The following ADGRA3 variants were observed in gnomAD, a reference collection of about 807,000 sequenced individuals.
ADGRA3 encodes G-protein coupled receptor 125.
In ADGRA3, 56 loss-of-function variants were observed where a neutral mutation model predicts 119.8. That is an observed-to-expected ratio of 0.47 (90% CI 0.38 to 0.58). ADGRA3 has a LOEUF of 0.58. ADGRA3 is among the 20% of genes least tolerant of loss of function. The pLI, the probability that ADGRA3 is intolerant of heterozygous loss-of-function variation, is 0.00. For synonymous variants in ADGRA3, 607 were observed against 623.8 expected, an observed-to-expected ratio of 0.97 and a Z score of 0.40; for missense variants, 1,516 against 1,649.0, an observed-to-expected ratio of 0.92 and a Z score of 1.40.
At chr4:22,453,200 C>CAAAAA (rs530504605) in intron 4 of ADGRA3, among the ~76,000 whole-genome samples, 5 of 21,378 alleles carry the variant, frequency 2.3e-4, no homozygotes, top group Admixed American at 5.8e-4. Context: ...GACTCCATCT[C>CAAAAA]AAAAAAAAAA....
At chr4:22,501,647 C>A (rs1028590511) in intron 1 of ADGRA3, among the ~76,000 whole-genome samples, 1 of 152,110 alleles carries the variant, frequency 6.6e-6, no homozygotes, top group African/African-American at 2.4e-5. Context: ...CACCTACACT[C>A]CCCTCTGGAT....
At chr4:22,417,382 A>G (rs756060913) in intron 12 of ADGRA3, among the ~76,000 whole-genome samples, 2 of 152,200 alleles carry the variant, frequency 1.3e-5, no homozygotes, top group Non-Finnish European at 2.9e-5. Flanking sequence ...AGAGATAACA[A>G]CAGCAACAAA....
At chr4:22,492,524 T>A (rs1718663540) in intron 1 of ADGRA3, among the ~76,000 whole-genome samples, 1 of 152,194 alleles carries the variant, frequency 6.6e-6, no homozygotes, top group Non-Finnish European at 1.5e-5. Flanking sequence ...AGTCCTGCCC[T>A]TATAGAGTTT....
chr4:22,451,960 T>C (rs1159565181), intron 4 of ADGRA3, among the ~76,000 whole-genome samples: 1 of 152,182 alleles, frequency 6.6e-6, no homozygotes, highest in African/African-American at 2.4e-5. Context: ...GCTGTTATCA[T>C]CCTTCACAAC....
intron 12 of ADGRA3, among the ~76,000 whole-genome samples, chr4:22,416,589 CG>C (rs1715438757): frequency 6.6e-6 from 1 of 152,032 alleles, no homozygotes; most frequent in African/African-American, 2.4e-5. Context: ...AGGGAACTGT[CG>C]GTGGTATTTT....
intron 1 of ADGRA3, among the ~76,000 whole-genome samples, chr4:22,482,206 G>GT (rs1718278373): frequency 6.6e-6 from 1 of 152,088 alleles, no homozygotes; most frequent in South Asian, 2.1e-4. Context: ...AGGCATTTGT[G>GT]TATCTACCAT....
chr4:22,455,788 C>G (rs1431215661), intron 3 of ADGRA3: 1 of 1,284,068 alleles, frequency 7.8e-7, no homozygotes, highest in Non-Finnish European at 1.0e-6. Context: ...GAGATAACCA[C>G]TGACAATATC....
At chr4:22,438,198 G>T in intron 8 of ADGRA3, 58 bp downstream of exon 8, 1 of 1,458,318 alleles carries the variant, frequency 6.9e-7, no homozygotes, top group South Asian at 1.2e-5. Context: ...ATGTGTCTTA[G>T]ACAACAGAAG....
rs1031894698 is a variant in ADGRA3 at position 22,515,836 on chromosome 4, C to A, written c.-52G>T. The A allele has an allele frequency of 6.1e-6, 6 of 981,734 alleles. No individual in the cohort carries two copies. In the African/African-American group the frequency reaches 8.8e-5, roughly 14 times the overall value. 60.8% of individuals were successfully genotyped at this position (981,734 alleles called of 1,614,324 possible). A position where few individuals can be genotyped will look rare whatever the true frequency, so the allele number is the denominator to read the frequency against. On this transcript the variant is annotated 5_prime_UTR_variant, in exon 1 of 19. Transcript: ENST00000334304. The stretch of plus-strand genomic sequence containing the variant: ...GCGGCGGCGCACTGGCCTAGCGGGC[C>A]GCCCCGGAGCCCGGGCGGGCAGGAG...
intron 3 of ADGRA3, among the ~76,000 whole-genome samples, chr4:22,458,399 A>G (rs1717316996): frequency 6.6e-6 from 1 of 152,100 alleles, no homozygotes; most frequent in South Asian, 2.1e-4. Context: ...AGTCCTAACA[A>G]CTTCCAAGAC....
intron 1 of ADGRA3, among the ~76,000 whole-genome samples, chr4:22,494,995 T>C (rs1231707219): frequency 1.3e-5 from 2 of 151,982 alleles, no homozygotes; most frequent in Non-Finnish European, 2.9e-5. Flanking sequence ...TCAGGTACAG[T>C]AGGAGATTAA....
At chr4:22,400,575 G>A (rs968553243) in intron 16 of ADGRA3, among the ~76,000 whole-genome samples, 20 of 152,086 alleles carry the variant, frequency 1.3e-4, no homozygotes, top group African/African-American at 3.4e-4. Flanking sequence ...AATGCATACC[G>A]AGTTTCAATT....
chr4:22,459,759 C>T (rs1717376103), intron 3 of ADGRA3, among the ~76,000 whole-genome samples: 1 of 152,058 alleles, frequency 6.6e-6, no homozygotes, highest in African/African-American at 2.4e-5. Flanking sequence ...AAAATAAAAC[C>T]ATGGATCTGG....
At chr4:22,475,289 A>G (rs1717998954) in intron 1 of ADGRA3, among the ~76,000 whole-genome samples, 1 of 152,194 alleles carries the variant, frequency 6.6e-6, no homozygotes, top group Admixed American at 6.5e-5. Context: ...AGTATCCATT[A>G]AGTTTCAAAT....
At chr4:22,485,149 TC>T (rs1278995717) in intron 1 of ADGRA3, among the ~76,000 whole-genome samples, 3 of 152,100 alleles carry the variant, frequency 2.0e-5, no homozygotes, top group African/African-American at 7.2e-5. Flanking sequence ...TGGTGCCATC[TC>T]GGCTCACTGA....
In ADGRA3 at chr4:22,454,726, A is replaced by C. The variant is rs1717180713; in HGVS notation, c.473+140T>G. The C allele has an allele frequency of 4.6e-6, 3 of 657,284 alleles. No homozygotes were observed. The South Asian group carries it at 5.0e-5, about 11-fold the overall frequency. The allele number at this position is 657,284 out of a possible 1,614,324, so 40.7% of individuals were successfully genotyped here. On this transcript the variant is annotated intron_variant, in intron 4 of 18. Transcript: ENST00000334304. ...TGAGGAGATTACATCCCCATGATTA[A>C]ATTGTGAGCTCCTTGTCCCCTATGG...
At chr4:22,434,139 A>T (rs1286971602) in intron 10 of ADGRA3, among the ~76,000 whole-genome samples, 2 of 148,196 alleles carry the variant, frequency 1.3e-5, no homozygotes, top group African/African-American at 4.9e-5. Context: ...TATATATAAC[A>T]ATATATCTAT....
intron 14 of ADGRA3, among the ~76,000 whole-genome samples, chr4:22,409,837 G>T (rs1248834679): frequency 4.6e-5 from 7 of 152,114 alleles, no homozygotes. Context: ...AAACACGAGG[G>T]TCTCCTCAAC....
At chr4:22,434,940 T>C (rs1336148073) in intron 10 of ADGRA3, among the ~76,000 whole-genome samples, 1 of 152,184 alleles carries the variant, frequency 6.6e-6, no homozygotes, top group African/African-American at 2.4e-5. Context: ...TCTGGGTGAC[T>C]AAAACTCCCG....
Sources: allele counts gnomAD v4.1 joint callset (sites outside exome capture counted in the v4.1 genomes callset), GRCh38; gene constraint gnomAD v4.1.1; transcripts MANE v1.5; gene names NCBI Gene and HGNC (gene_info 2026-07-23, HGNC 2026-07-21).